The following KRTAP24-1 variants were observed in gnomAD, a reference collection of about 807,000 sequenced individuals.
The protein encoded by KRTAP24-1 is keratin-associated protein 24-1.
For synonymous variants in KRTAP24-1, 133 were observed against 116.3 expected (o/e 1.14, Z -0.92); for missense variants, 344 against 303.2 (o/e 1.13, Z -1.00).
In KRTAP24-1 at chr21:30,282,371, C is replaced by G; in HGVS notation, c.562G>C (p.Val188Leu). 1.2e-6 allele frequency: 2 copies of G among 1,614,000 alleles called. No homozygotes were observed. Among genetic ancestry groups the G allele is most frequent in the Non-Finnish European group, 1.7e-6 (2 of 1,179,976 alleles). Residue 188 changes from valine to leucine, a missense_variant, in exon 1 of 1, where the codon GTC (valine) becomes CTC (leucine). Val to Leu is a conservative substitution (Grantham distance 32). Transcript: ENST00000340345. Reference sequence around the variant, plus strand: ...TTGGAAATATAACATAATGGTGAGACGTAGCTGGGTATGAAGCAAGGATTT... The same window carrying G: ...TTGGAAATATAACATAATGGTGAGAGGTAGCTGGGTATGAAGCAAGGATTT... ...YQNPCFIPSY[V>L]SPLCYISNSC...
rs1057063713 is a variant in KRTAP24-1 at position 30,281,565 on chromosome 21, A to G, written c.*603T>C. Reference sequence around the variant, plus strand: ...TTTTATGGCTTCTCTGGAAGAGAAGATTTGCTGAAGTCTTCTATTTTTGAG... The same window carrying G: ...TTTTATGGCTTCTCTGGAAGAGAAGGTTTGCTGAAGTCTTCTATTTTTGAG... On this transcript the variant is annotated 3_prime_UTR_variant, in exon 1 of 1. Coordinates refer to ENST00000340345, the MANE Select transcript of KRTAP24-1 (RefSeq NM_001085455.3). 1 of 152,202 alleles carries G rather than the reference A, an allele frequency of 6.6e-6. No homozygotes were observed. Among genetic ancestry groups the G allele is most frequent in the Non-Finnish European group, 1.5e-5 (1 of 68,064 alleles). The allele number at this position is 152,202 out of a possible 1,614,324, so 9.4% of individuals were successfully genotyped here.
Position 30,282,883 on chromosome 21 carries a change from G to T in KRTAP24-1, c.50C>A (p.Thr17Asn), listed in dbSNP as rs1468478972. Reference sequence around the variant, plus strand: ...ATAACAGTGAGTTCTGTATGATGTGGTACTGCAGACCCCAGGATAGCCTGT... The same window carrying T: ...ATAACAGTGAGTTCTGTATGATGTGTTACTGCAGACCCCAGGATAGCCTGT... ...STTGYPGVCS[T>N]TSYRTHCYIP... Residue 17 changes from threonine (T) to asparagine (N), a missense_variant, in exon 1 of 1, where the codon ACC (threonine) becomes AAC (asparagine). Thr to Asn is a moderately conservative substitution (Grantham distance 65). Transcript: ENST00000340345. The T allele has an allele frequency of 8.1e-6, 13 of 1,613,662 alleles. No individual in the cohort carries two copies. Among genetic ancestry groups the T allele is most frequent in the African/African-American group, 1.3e-5 (1 of 75,020 alleles).
Position 30,282,901 on chromosome 21 carries a change from T to C in KRTAP24-1, c.32A>G (p.Tyr11Cys), listed in dbSNP as rs1980763495. The change falls in exon 1 of 1, where the codon TAT becomes TGT. Residue 11 changes from tyrosine (Y) to cysteine (C), a missense_variant. Tyr to Cys is a radical substitution (Grantham distance 194). Coordinates refer to ENST00000340345, the MANE Select transcript of KRTAP24-1 (RefSeq NM_001085455.3). MPAGSMSTTG[Y>C]PGVCSTTSYR... is the part of the protein sequence containing the mutation. ...TGATGTGGTACTGCAGACCCCAGGA[T>C]AGCCTGTAGTAGACATGGAGCCTGC... 26 of 1,612,646 alleles carry C rather than the reference T, an allele frequency of 1.6e-5. No individual in the cohort carries two copies. The highest frequency in any genetic ancestry group is 2.2e-5 in the Non-Finnish European group (26 of 1,179,282).
At position 30,282,561 on chromosome 21, in the gene KRTAP24-1, G is replaced by C. The variant is rs1291557619; in HGVS notation, c.372C>G (p.Thr124=). 1 of 1,600,964 alleles carries C rather than the reference G, an allele frequency of 6.2e-7. No individual in the cohort carries two copies. The highest frequency in any genetic ancestry group is 2.2e-5 in the East Asian group (1 of 44,752). The change falls in exon 1 of 1, where the codon ACC becomes ACG. Residue 124 remains threonine, a synonymous_variant. Transcript: ENST00000340345. Reference sequence around the variant, plus strand: ...TGTGGCAATTGCATACATACCCATTGGTCTGGGTGCTTGGGCTGCAGCTGG... The same window carrying C: ...TGTGGCAATTGCATACATACCCATTCGTCTGGGTGCTTGGGCTGCAGCTGG... The part of the protein sequence containing the change: ...PSPSCSPSTQ[T]NGYVCNCHIP...
chr21:30,282,578 T>G lies in KRTAP24-1; in HGVS notation c.355A>C (p.Ser119Arg). Reference sequence around the variant, plus strand: ...TACCCATTGGTCTGGGTGCTTGGGCTGCAGCTGGGGCTGGGGCTGACGTTG... The same window carrying G: ...TACCCATTGGTCTGGGTGCTTGGGCGGCAGCTGGGGCTGGGGCTGACGTTG... ...TTNVSPSPSC[S>R]PSTQTNGYVC... is the part of the protein sequence containing the mutation. Residue 119 changes from serine (S) to arginine (R), a missense_variant, in exon 1 of 1, where the codon AGC (serine) becomes CGC (arginine). Physicochemically the swap from Ser to Arg is moderately radical, Grantham distance 110 (BLOSUM62 -1). Transcript: ENST00000340345. 1 of 1,594,430 alleles carries G rather than the reference T, an allele frequency of 6.3e-7. No homozygotes were observed. Among genetic ancestry groups the G allele is most frequent in the Non-Finnish European group, 8.5e-7 (1 of 1,170,220 alleles).
At position 30,282,455 on chromosome 21, in the gene KRTAP24-1, T is replaced by C. The variant is rs778173598; in HGVS notation, c.478A>G (p.Lys160Glu). ...NCFGQLNCLS[K>E]SFQTLNHCRL... ...CAGTGGTTTAGAGTTTGGAAACTCT[T>C]GGATAAGCAGTTAAGTTGTCCAAAG... Residue 160 changes from lysine to glutamate, a missense_variant, in exon 1 of 1, where the codon AAG becomes GAG. Coordinates refer to ENST00000340345, the MANE Select transcript of KRTAP24-1 (RefSeq NM_001085455.3). The C allele has an allele frequency of 6.2e-7, 1 of 1,614,152 alleles. No individual in the cohort carries two copies.
chr21:30,282,677 A>C lies in KRTAP24-1; in HGVS notation c.256T>G (p.Cys86Gly). 1.2e-6 allele frequency: 2 copies of C among 1,609,404 alleles called. No individual in the cohort carries two copies. The highest frequency in any genetic ancestry group is 1.7e-6 in the Non-Finnish European group (2 of 1,177,690). Residue 86 changes from cysteine to glycine, a missense_variant, in exon 1 of 1, where the codon TGT becomes GGT. Transcript: ENST00000340345. ...CEPKTCSTTG[C>G]DPSNSSVPCN... ...GGCACAGAGGAGTTTGACGGGTCACAACCAGTGGTACTGCAGGTCTTGGGC... is the reference window on the plus strand; with the variant it reads ...GGCACAGAGGAGTTTGACGGGTCACCACCAGTGGTACTGCAGGTCTTGGGC...
rs1980756079 is a variant in KRTAP24-1, at chr21:30,282,773, T to A, written c.160A>T (p.Asn54Tyr). ...TGGCAGTAATCCAGGAGCCAGAGAT[T>A]TCCTTGGTAGCTACTGGGTAAGCAG... ...GHCLPSSYQGNLWLLDYCQES... is the reference protein window; with the variant it reads ...GHCLPSSYQGYLWLLDYCQES... The change falls in exon 1 of 1, where the codon AAT becomes TAT. Residue 54 changes from asparagine (N) to tyrosine (Y), a missense_variant. Physicochemically the swap from Asn to Tyr is moderately radical, Grantham distance 143. Coordinates refer to ENST00000340345, the MANE Select transcript of KRTAP24-1 (RefSeq NM_001085455.3). The A allele has an allele frequency of 2.0e-5, 33 of 1,614,116 alleles. No homozygotes were observed. The highest frequency in any genetic ancestry group is 2.8e-5 in the Non-Finnish European group (33 of 1,179,998).
In KRTAP24-1 at chr21:30,281,515, A is replaced by G. The variant is rs1478581766; in HGVS notation, c.*653T>C. 1.3e-5 allele frequency: 2 copies of G among 152,228 alleles called. No individual in the cohort carries two copies. The allele number at this position is 152,228 out of a possible 1,614,324, so 9.4% of individuals were successfully genotyped here. On this transcript the variant is annotated 3_prime_UTR_variant, in exon 1 of 1. Transcript: ENST00000340345. ...AGGCTTTTTCTTAGGCATGGAGAAC[A>G]AAAGCTGAGTACCAGTGAATCTTGT...
chr21:30,282,007 G>T lies in KRTAP24-1; in HGVS notation c.*161C>A. The T allele has an allele frequency of 1.4e-6, 1 of 691,428 alleles. No homozygotes were observed. Among genetic ancestry groups the T allele is most frequent in the East Asian group, 2.7e-5 (1 of 37,548 alleles). 42.8% of individuals were successfully genotyped at this position (691,428 alleles called of 1,614,324 possible). On this transcript the variant is annotated 3_prime_UTR_variant, in exon 1 of 1. Coordinates refer to ENST00000340345, the MANE Select transcript of KRTAP24-1 (RefSeq NM_001085455.3). ...ACAGAAAAAAGAAAACCTAGCAGGTGATACTGGCTGTGGTTAATAAACCTG... is the reference window on the plus strand; with the variant it reads ...ACAGAAAAAAGAAAACCTAGCAGGTTATACTGGCTGTGGTTAATAAACCTG...
Position 30,282,104 on chromosome 21 carries a change from T to C in KRTAP24-1, c.*64A>G. 6.8e-7 allele frequency: 1 copy of C among 1,467,038 alleles called. No individual in the cohort carries two copies. Among genetic ancestry groups the C allele is most frequent in the Non-Finnish European group, 9.2e-7 (1 of 1,086,134 alleles). 90.9% of individuals were successfully genotyped at this position (1,467,038 alleles called of 1,614,324 possible). ...AGAGATTCAGCAGAAAATTAGACGT[T>C]CTAGTACTTAGTAGAATCTTCCCCA... On this transcript the variant is annotated 3_prime_UTR_variant, in exon 1 of 1. Transcript: ENST00000340345.
chr21:30,282,668 A>C lies in KRTAP24-1; in HGVS notation c.265T>G (p.Ser89Ala). 6.2e-7 allele frequency: 1 copy of C among 1,605,138 alleles called. No individual in the cohort carries two copies. The highest frequency in any genetic ancestry group is 8.5e-7 in the Non-Finnish European group (1 of 1,175,612). Residue 89 changes from serine to alanine, a missense_variant, in exon 1 of 1, where the codon TCA becomes GCA. By Grantham distance (99) the Ser-to-Ala change is moderately conservative. Coordinates refer to ENST00000340345, the MANE Select transcript of KRTAP24-1 (RefSeq NM_001085455.3). ...KTCSTTGCDP[S>A]NSSVPCNSPS... ...GAGTTGCAGGGCACAGAGGAGTTTG[A>C]CGGGTCACAACCAGTGGTACTGCAG... is the stretch of plus-strand genomic sequence containing the variant.
rs557883960 is a variant in KRTAP24-1, at chr21:30,282,020, G to A, written c.*148C>T. 1.3e-6 allele frequency: 1 copy of A among 787,450 alleles called. No individual in the cohort carries two copies. Among genetic ancestry groups the A allele is most frequent in the Non-Finnish European group, 2.0e-6 (1 of 501,604 alleles). The allele number at this position is 787,450 out of a possible 1,614,324, so 48.8% of individuals were successfully genotyped here. A position where few individuals can be genotyped will look rare whatever the true frequency, so the allele number is the denominator to read the frequency against. ...AACCTAGCAGGTGATACTGGCTGTG[G>A]TTAATAAACCTGGGAGTTGTATTTG... On this transcript the variant is annotated 3_prime_UTR_variant, in exon 1 of 1. Transcript: ENST00000340345.
Position 30,282,537 on chromosome 21 carries a change from G to A in KRTAP24-1, c.396C>T (p.His132=), listed in dbSNP as rs1980742224. The A allele has an allele frequency of 1.2e-6, 2 of 1,611,048 alleles. No individual in the cohort carries two copies. Among genetic ancestry groups the A allele is most frequent in the African/African-American group, 1.3e-5 (1 of 74,834 alleles). Residue 132 remains histidine (H), a synonymous_variant, in exon 1 of 1, where the codon CAC becomes CAT. Coordinates refer to ENST00000340345, the MANE Select transcript of KRTAP24-1 (RefSeq NM_001085455.3). ...CTTTGGATGCATTTCGAGTGGGTAT[G>A]TGGCAATTGCATACATACCCATTGG... ...TQTNGYVCNC[H]IPTRNASKAC...
At position 30,282,028 on chromosome 21, in the gene KRTAP24-1, A is replaced by G. The variant is rs1196635621; in HGVS notation, c.*140T>C. ...AGGTGATACTGGCTGTGGTTAATAA[A>G]CCTGGGAGTTGTATTTGAACTTAAT... On this transcript the variant is annotated 3_prime_UTR_variant, in exon 1 of 1. Transcript: ENST00000340345. 1.2e-6 allele frequency: 1 copy of G among 855,376 alleles called. No homozygotes were observed. Among genetic ancestry groups the G allele is most frequent in the Non-Finnish European group, 1.8e-6 (1 of 559,510 alleles). 53.0% of individuals were successfully genotyped at this position (855,376 alleles called of 1,614,324 possible). A position where few individuals can be genotyped will look rare whatever the true frequency, so the allele number is the denominator to read the frequency against.
rs886441826 is a variant in KRTAP24-1 at position 30,282,864 on chromosome 21, G to A, written c.69C>T (p.His23=). 1.2e-6 allele frequency: 2 copies of A among 1,613,844 alleles called. No individual in the cohort carries two copies. Among genetic ancestry groups the A allele is most frequent in the Non-Finnish European group, 1.7e-6 (2 of 1,179,742 alleles). The change falls in exon 1 of 1, where the codon CAC becomes CAT. Residue 23 remains histidine, a synonymous_variant. Transcript: ENST00000340345. ...GVCSTTSYRT[H]CYIPVTSSVT... ...CAGAAGAGGTCACTGGGATATAACA[G>A]TGAGTTCTGTATGATGTGGTACTGC...
chr21:30,282,527 G>A, the KRTAP24-1 span: 68 of 1,612,484 alleles, frequency 4.2e-5, no homozygotes, highest in Non-Finnish European at 4.7e-5. Context: ...GATGCATTTC[G>A]AGTGGGTATG....
Position 30,282,412 on chromosome 21 carries a change from C to T in KRTAP24-1, c.521G>A (p.Gly174Glu), listed in dbSNP as rs1344917060. The change falls in exon 1 of 1, where the codon GGG becomes GAG. Residue 174 changes from glycine to glutamate, a missense_variant. By Grantham distance (98) the Gly-to-Glu change is moderately conservative. Transcript: ENST00000340345. ...GCAAGGATTTTGGTAGCTTTTATAC[C>T]CCAAAGTACTCAATCTGCAGTGGTT... ...TLNHCRLSTL[G>E]YKSYQNPCFI... 2 of 1,613,928 alleles carry T rather than the reference C, an allele frequency of 1.2e-6. No individual in the cohort carries two copies. The highest frequency in any genetic ancestry group is 1.1e-5 in the South Asian group (1 of 91,078).
chr21:30,282,934 C>A lies in KRTAP24-1; in HGVS notation c.-2G>T. 6.2e-7 allele frequency: 1 copy of A among 1,603,482 alleles called. No individual in the cohort carries two copies. Among genetic ancestry groups the A allele is most frequent in the Non-Finnish European group, 8.5e-7 (1 of 1,174,566 alleles). ...AGTAGACATGGAGCCTGCAGGCATG[C>A]TCAGTGGTCGCTGTGCAGTGTGTCT... On this transcript the variant is annotated 5_prime_UTR_variant, in exon 1 of 1. Coordinates refer to ENST00000340345, the MANE Select transcript of KRTAP24-1 (RefSeq NM_001085455.3).
Sources: gnomAD v4.1 joint callset for allele counts on GRCh38, gnomAD v4.1.1 for gene constraint, MANE v1.5 for transcripts, NCBI Gene and HGNC (gene_info 2026-07-23, HGNC 2026-07-21) for gene names.